USH2A: variants seen among roughly 807,000 people sequenced by gnomAD.
USH2A encodes Usher syndrome 2A (autosomal recessive, mild).
Under a neutral mutation model 538.9 loss-of-function variants are expected in USH2A, and 443 were observed. That is an observed-to-expected ratio of 0.82 (90% confidence interval 0.76 to 0.89). USH2A has a LOEUF of 0.89. Ranked by LOEUF, USH2A falls within the 40% of genes least tolerant of loss-of-function variation. The pLI is 0.00. For synonymous variants in USH2A, 2,413 were observed against 2,273.5 expected (o/e 1.06, Z -1.75); for missense variants, 6,633 against 6,324.8 (o/e 1.05, Z -1.65).
intron 54 of USH2A, among the ~76,000 whole-genome samples, chr1:215,780,898 T>G (rs917952848): frequency 6.6e-6 from 1 of 152,250 alleles, no homozygotes; most frequent in Non-Finnish European, 1.5e-5. Context: ...GGATGGCTCT[T>G]GCACAGTGTG....
intron 33 of USH2A, 100 bp from the exon 34 acceptor site, chr1:215,999,158 T>C: frequency 9.7e-7 from 1 of 1,033,866 alleles, no homozygotes. Flanking sequence ...GTGACACTTT[T>C]TTAAAAAACA....
rs763192052 is a variant in USH2A at position 215,674,997 on chromosome 1, A to G, written c.12914T>C (p.Met4305Thr). The G allele has an allele frequency of 6.2e-7, 1 of 1,614,210 alleles. No homozygotes were observed. Among genetic ancestry groups the G allele is most frequent in the African/African-American group, 1.3e-5 (1 of 75,056 alleles). The change falls in exon 63 of 72, where the codon ATG becomes ACG. Residue 4305 changes from methionine (M) to threonine (T), a missense_variant. Coordinates refer to ENST00000307340, the MANE Select transcript of USH2A (RefSeq NM_206933.4). ...AGGATCAAAGCTAAAAGGATAGAGC[A>G]TTTCATTCCTTTGAAGCCTATAGGA... is the stretch of plus-strand genomic sequence containing the variant. The part of the protein sequence containing the change: ...IQSYRLQRNE[M>T]LYPFSFDPVT...
chr1:216,246,621 T>G lies in USH2A; in HGVS notation c.2773A>C (p.Asn925His). 6.2e-7 allele frequency: 1 copy of G among 1,614,068 alleles called. No homozygotes were observed. Residue 925 changes from asparagine to histidine, a missense_variant, in exon 13 of 72, where the codon AAT becomes CAT. Transcript: ENST00000307340. ...TGATTACACCTTCTTCCTTGACGAT[T>G]AGGCACACACAGGCACTGGCCACTG... Reference protein sequence around the residue: ...PISGQCLCVPNRQGRRCNQCQ... With the variant: ...PISGQCLCVPHRQGRRCNQCQ...
At chr1:215,829,526 C>A (rs181667942) in intron 47 of USH2A, among the ~76,000 whole-genome samples, 5 of 152,250 alleles carry the variant, frequency 3.3e-5, no homozygotes, top group Non-Finnish European at 2.9e-5. Context: ...GAGAAGTAGA[C>A]CCCGTCTGCT....
intron 20 of USH2A, 73 bp from the exon 21 acceptor site, chr1:216,175,555 G>A (rs1418492760): frequency 9.2e-6 from 12 of 1,309,274 alleles, no homozygotes; most frequent in East Asian, 4.6e-5. Context: ...TCACATATAC[G>A]TATATATGTA....
rs2034900753 is a variant in USH2A, at chr1:216,198,368, T to C, written c.4028A>G (p.Asn1343Ser). The stretch of plus-strand genomic sequence containing the variant: ...GGCAGAAGACACACTTCCAGCCATA[T>C]TCACAGCTAAGACTCTGAACTCATA... ...TKYEFRVLAV[N>S]MAGSVSSAWV... Residue 1343 changes from asparagine to serine, a missense_variant, in exon 18 of 72, where the codon AAT (asparagine) becomes AGT (serine). Asn to Ser is a conservative substitution (Grantham distance 46). Transcript: ENST00000307340. The C allele has an allele frequency of 6.2e-7, 1 of 1,613,970 alleles. No homozygotes were observed. The highest frequency in any genetic ancestry group is 8.5e-7 in the Non-Finnish European group (1 of 1,179,978).
At chr1:215,777,899 G>A (rs898714351) in intron 55 of USH2A, among the ~76,000 whole-genome samples, 5 of 152,078 alleles carry the variant, frequency 3.3e-5, no homozygotes, top group Non-Finnish European at 4.4e-5. Context: ...AAATGCAAAC[G>A]TTTCTTTAAA....
At position 215,674,810 on chromosome 1, in the gene USH2A, G is replaced by A. The variant is rs368238081; in HGVS notation, c.13101C>T (p.Val4367=). The change falls in exon 63 of 72, where the codon GTC becomes GTT. Residue 4367 remains valine, a synonymous_variant. Transcript: ENST00000307340. ...SEVSPPDLWA[V]SATQMNVCWS... ...AACATACATTCATTTGAGTGGCACT[G>A]ACGGCCCAAAGATCTGGAGGGCTGA... 5 of 1,614,032 alleles carry A rather than the reference G, an allele frequency of 3.1e-6. No individual in the cohort carries two copies. The African/African-American group carries it at 4.0e-5, about 13-fold the overall frequency.
intron 30 of USH2A, among the ~76,000 whole-genome samples, chr1:216,068,922 T>C (rs1212818077): frequency 6.6e-6 from 1 of 152,108 alleles, no homozygotes; most frequent in Non-Finnish European, 1.5e-5. Context: ...AAATAAATTG[T>C]TTTTTCTATG....
intron 67 of USH2A, 113 bp downstream of exon 67, chr1:215,647,409 T>A: frequency 8.0e-7 from 1 of 1,255,374 alleles, no homozygotes; most frequent in Non-Finnish European, 1.1e-6. Context: ...ACATTCAGTG[T>A]TATTGAGCCC....
chr1:216,314,765 A>G (rs1294612568), intron 9 of USH2A, among the ~76,000 whole-genome samples: 2 of 152,238 alleles, frequency 1.3e-5, no homozygotes, highest in Admixed American at 6.5e-5. Context: ...TAGTTAATTC[A>G]TAAGATCTAT....
chr1:215,933,733 C>G (rs1308111030), intron 38 of USH2A, among the ~76,000 whole-genome samples: 1 of 151,932 alleles, frequency 6.6e-6, no homozygotes, highest in Non-Finnish European at 1.5e-5. Context: ...GTGACATTCT[C>G]CCTTAGTTCA....
chr1:216,399,288 C>T (rs536815387), intron 3 of USH2A, among the ~76,000 whole-genome samples: 1 of 152,270 alleles, frequency 6.6e-6, no homozygotes, highest in South Asian at 2.1e-4. Flanking sequence ...AACCTCTCCA[C>T]TCTCTTCACA....
intron 3 of USH2A, among the ~76,000 whole-genome samples, chr1:216,394,880 G>A (rs1281497853): frequency 6.6e-6 from 1 of 151,518 alleles, no homozygotes; most frequent in East Asian, 1.9e-4. Flanking sequence ...CACCACGCCC[G>A]GCTAATTTTT....
chr1:216,167,497 C>T (rs1471381621), intron 21 of USH2A, among the ~76,000 whole-genome samples: 1 of 152,084 alleles, frequency 6.6e-6, no homozygotes, highest in African/African-American at 2.4e-5. Context: ...GGCAAGGAAA[C>T]ATGCCTTAAG....
At chr1:216,106,433 GT>G (rs2032734025) in intron 21 of USH2A, among the ~76,000 whole-genome samples, 1 of 150,886 alleles carries the variant, frequency 6.6e-6, no homozygotes, top group Non-Finnish European at 1.5e-5. Flanking sequence ...TTTGTGAAAT[GT>G]CTTTCAGCTG....
intron 47 of USH2A, among the ~76,000 whole-genome samples, chr1:215,825,873 A>T (rs1435754368): frequency 2.0e-5 from 3 of 152,214 alleles, no homozygotes; most frequent in Admixed American, 1.3e-4. Context: ...GTAGGTAAAA[A>T]GTCAAAATGC....
intron 52 of USH2A, among the ~76,000 whole-genome samples, chr1:215,783,216 A>C (rs1463125844): frequency 6.6e-6 from 1 of 152,192 alleles, no homozygotes; most frequent in African/African-American, 2.4e-5. Flanking sequence ...AAGCACTGGA[A>C]TCATGTATAA....
intron 32 of USH2A, among the ~76,000 whole-genome samples, chr1:216,041,755 T>C (rs573162260): frequency 7.9e-5 from 12 of 152,012 alleles, no homozygotes; most frequent in Non-Finnish European, 1.3e-4. Context: ...TGTGATTAGA[T>C]GAATGAAAGG....
Sources: allele counts gnomAD v4.1 joint callset (sites outside exome capture counted in the v4.1 genomes callset), GRCh38; gene constraint gnomAD v4.1.1; transcripts MANE v1.5; gene names NCBI Gene and HGNC (gene_info 2026-07-23, HGNC 2026-07-21).